CORO2B: variants seen among roughly 807,000 people sequenced by gnomAD.
The protein encoded by CORO2B is coronin 2B, also known as coronin-2B.
A neutral mutation model predicts 58.8 loss-of-function variants in CORO2B; 26 were observed. The ratio of observed to expected loss-of-function variants is 0.44; its 90% CI spans 0.32 to 0.61. The LOEUF (loss-of-function observed/expected upper bound fraction) is 0.61. CORO2B is among the 20% of genes least tolerant of loss of function. The probability of loss-of-function intolerance (pLI) is 0.04; values close to 1 mark genes in which losing one functional copy is unlikely to be tolerated. For missense variants in CORO2B, 460 were observed against 645.1 expected (o/e 0.71, Z 3.11); for synonymous variants, 242 against 253.8 (o/e 0.95, Z 0.44).
intron 2 of CORO2B, among the ~76,000 whole-genome samples, chr15:68,689,348 C>A (rs1892300091): frequency 6.6e-6 from 1 of 151,660 alleles, no homozygotes. Context: ...ACCCCTGGGA[C>A]AATTCTGTGA....
rs1468678605 is a variant in CORO2B, at chr15:68,692,598, T to A, written c.217-2542T>A. On this transcript the variant is annotated intron_variant, in intron 2 of 11. Transcript: ENST00000261861. ...AGACTCTGTCTCAAAAGCAAATAAATAAAAAAAATTAACATTAAAATTTAA... is the reference window on the plus strand; with the variant it reads ...AGACTCTGTCTCAAAAGCAAATAAAAAAAAAAAATTAACATTAAAATTTAA... Among the ~76,000 whole-genome samples the A allele has an allele frequency of 1.6e-3, 226 of 143,908 alleles. 2 individuals carry two copies. The highest frequency in any genetic ancestry group is 5.4e-3 in the African/African-American group (211 of 38,984). The allele number at this position is 143,908 out of a possible 152,430, so 94.4% of individuals were successfully genotyped here.
chr15:68,573,787 G>C, the CORO2B span, among the ~76,000 whole-genome samples: 2 of 152,228 alleles, frequency 1.3e-5, no homozygotes, highest in Non-Finnish European at 2.9e-5. Flanking sequence ...CCAGGAGCTT[G>C]TCAAATACAC....
At chr15:68,630,401 G>C (rs1900795949) in intron 1 of CORO2B, among the ~76,000 whole-genome samples, 1 of 149,976 alleles carries the variant, frequency 6.7e-6, no homozygotes, top group South Asian at 2.1e-4. Context: ...TGAGGGATGA[G>C]AGAAAACCTC....
At chr15:68,690,759 C>T (rs568414769) in intron 2 of CORO2B, among the ~76,000 whole-genome samples, 21 of 150,956 alleles carry the variant, frequency 1.4e-4, no homozygotes, top group African/African-American at 4.9e-4. Context: ...AAGCAATCCT[C>T]CCACCTCAGC....
At chr15:68,683,531 C>G (rs1399595895) in intron 2 of CORO2B, among the ~76,000 whole-genome samples, 8 of 152,142 alleles carry the variant, frequency 5.3e-5, no homozygotes, top group Non-Finnish European at 4.4e-5. Context: ...TTTGCCACTG[C>G]TCGCATTTCC....
the CORO2B span, among the ~76,000 whole-genome samples, chr15:68,527,581 A>G: frequency 6.6e-6 from 1 of 152,198 alleles, no homozygotes; most frequent in Non-Finnish European, 1.5e-5. Flanking sequence ...CTTTGTAATA[A>G]GTTCGAAAAT....
At chr15:68,661,809 C>T (rs570466755) in intron 2 of CORO2B, among the ~76,000 whole-genome samples, 52 of 152,254 alleles carry the variant, frequency 3.4e-4, no homozygotes, top group African/African-American at 1.2e-3. Context: ...GAGTTCAAGA[C>T]CAGCCTAGCC....
the CORO2B span, among the ~76,000 whole-genome samples, chr15:68,544,817 C>A: frequency 6.6e-6 from 1 of 151,680 alleles, no homozygotes; most frequent in Non-Finnish European, 1.5e-5. Flanking sequence ...CGCTCTGTCG[C>A]CCAGGCTGGA....
At chr15:68,577,014 C>T (rs1264022018), upstream of CORO2B, among the ~76,000 whole-genome samples, 1 of 151,906 alleles carries the variant, frequency 6.6e-6, no homozygotes, top group African/African-American at 2.4e-5. Flanking sequence ...AGGTGGGATG[C>T]GTTTGAGTTA....
chr15:68,533,639 G>T, the CORO2B span, among the ~76,000 whole-genome samples: 2 of 152,186 alleles, frequency 1.3e-5, no homozygotes, highest in Non-Finnish European at 2.9e-5. Context: ...TTGGGCAGGG[G>T]CCTAGAGAGA....
At chr15:68,648,823 C>T (rs1901541519) in intron 2 of CORO2B, among the ~76,000 whole-genome samples, 1 of 152,178 alleles carries the variant, frequency 6.6e-6, no homozygotes, top group Non-Finnish European at 1.5e-5. Context: ...CAAATACACT[C>T]TTCGTAAGAC....
chr15:68,555,152 C>G, the CORO2B span, among the ~76,000 whole-genome samples: 1 of 152,322 alleles, frequency 6.6e-6, no homozygotes, highest in Non-Finnish European at 1.5e-5. Flanking sequence ...GGTTTCCTCC[C>G]CTGCACTGAA....
chr15:68,597,143 G>C (rs1899853332), intron 1 of CORO2B, among the ~76,000 whole-genome samples: 2 of 151,850 alleles, frequency 1.3e-5, no homozygotes, highest in South Asian at 4.1e-4. Flanking sequence ...AAACCAAAGA[G>C]CAATTAAGAG....
intron 1 of CORO2B, among the ~76,000 whole-genome samples, chr15:68,642,238 A>G (rs541118777): frequency 6.6e-6 from 1 of 152,104 alleles, no homozygotes; most frequent in East Asian, 1.9e-4. Flanking sequence ...AGTGGCACAG[A>G]GAGGTTAAGT....
In CORO2B at chr15:68,656,027, G is replaced by A. The variant is rs535530583; in HGVS notation, c.216+10667G>A. 3.3e-5 allele frequency among the ~76,000 whole-genome samples: 5 copies of A among 152,274 alleles called. No homozygotes were observed. In the East Asian group the frequency reaches 9.7e-4, roughly 29 times the overall value. ...GCTCCTACCACTGGCCTTTCTCCTGGCAGCTTCCAGAACAATGGCTGCCTG... is the reference window on the plus strand; with the variant it reads ...GCTCCTACCACTGGCCTTTCTCCTGACAGCTTCCAGAACAATGGCTGCCTG... On this transcript the variant is annotated intron_variant, in intron 2 of 11. Transcript: ENST00000261861.
intron 1 of CORO2B, among the ~76,000 whole-genome samples, chr15:68,613,175 T>C (rs1019761868): frequency 2.0e-5 from 3 of 152,204 alleles, no homozygotes; most frequent in Non-Finnish European, 2.9e-5. Context: ...CTTTATCGCA[T>C]GACCACATAC....
chr15:68,710,015 C>T lies in CORO2B; in HGVS notation c.334-717C>T, dbSNP rs1346157253. On this transcript the variant is annotated intron_variant, in intron 3 of 11. Transcript: ENST00000261861. This position sits in a 1 kb window ranked among gnomAD's most constrained non-coding sequence, Gnocchi z 4.1. Reference sequence around the variant, plus strand: ...ATTCCAAGACTGCAGAGAAACAGCTCAGTCTCTCCCTGTCTGGGGCCACGT... The same window carrying T: ...ATTCCAAGACTGCAGAGAAACAGCTTAGTCTCTCCCTGTCTGGGGCCACGT... Among the ~76,000 whole-genome samples, 9 of 152,240 alleles carry T rather than the reference C, an allele frequency of 5.9e-5. No individual in the cohort carries two copies. The highest frequency in any genetic ancestry group is 2.0e-4 in the Admixed American group (3 of 15,290).
At chr15:68,659,730 T>A (rs1459400604) in intron 2 of CORO2B, among the ~76,000 whole-genome samples, 1 of 152,166 alleles carries the variant, frequency 6.6e-6, no homozygotes, top group African/African-American at 2.4e-5. Context: ...GGTCAAGTGT[T>A]CAAGACCAGC....
chr15:68,604,505 GT>G (rs113990519), intron 1 of CORO2B, among the ~76,000 whole-genome samples: 20 of 149,320 alleles, frequency 1.3e-4, no homozygotes, highest in African/African-American at 3.4e-4. Context: ...AAAAGGTGTG[GT>G]TTTTTTTTTA....
Sources: gnomAD v4.1 joint callset for allele counts (sites outside exome capture counted in the v4.1 genomes callset) on GRCh38, gnomAD v4.1.1 for gene constraint, Gnocchi (gnomAD v3.1) non-coding constraint, MANE v1.5 for transcripts, NCBI Gene and HGNC (gene_info 2026-07-23, HGNC 2026-07-21) for gene names.